Variants in MACROD2 observed in about 807,000 individuals in gnomAD.
MACROD2 encodes ADP-ribose glycohydrolase MACROD2.
Under a neutral mutation model 70.4 loss-of-function variants are expected in MACROD2, and 36 were observed. The ratio of observed to expected loss-of-function variants is 0.51; its 90% CI spans 0.39 to 0.68. MACROD2 has a LOEUF of 0.68. Among genes scored for constraint, MACROD2 ranks in the 30% least tolerant of loss-of-function variants. MACROD2 has a pLI of 0.00. For missense variants in MACROD2, 496 were observed against 538.4 expected, an observed-to-expected ratio of 0.92 and a Z score of 0.78; for synonymous variants, 172 against 178.8, an observed-to-expected ratio of 0.96 and a Z score of 0.30.
rs140996870 is a variant in MACROD2 at position 15,070,712 on chromosome 20, C to T, written c.419-159228C>T. Among the ~76,000 whole-genome samples, 551 of 152,232 alleles carry T rather than the reference C, an allele frequency of 3.6e-3. 13 individuals carry two copies. The highest frequency in any genetic ancestry group is 0.027 in the Admixed American group (417 of 15,284). On this transcript the variant is annotated intron_variant, in intron 5 of 17. Transcript: ENST00000684519. The stretch of plus-strand genomic sequence containing the variant: ...TGATTACAAGCTTCCTGCAGCCTCA[C>T]CAGAAGCTGAATGGATCGTGGTACC...
intron 15 of MACROD2, among the ~76,000 whole-genome samples, chr20:16,003,814 G>T (rs1351485308): frequency 6.6e-6 from 1 of 152,138 alleles, no homozygotes; most frequent in African/African-American, 2.4e-5. Flanking sequence ...GGGATTACAG[G>T]CAAGCACCAC....
chr20:14,547,873 A>T (rs1461600843), intron 4 of MACROD2, among the ~76,000 whole-genome samples: 2 of 152,056 alleles, frequency 1.3e-5, no homozygotes, highest in South Asian at 2.1e-4. Flanking sequence ...TCTCCTCTGT[A>T]TGGCTCTAAT....
intron 12 of MACROD2, among the ~76,000 whole-genome samples, chr20:15,965,675 T>G (rs931349290): frequency 6.6e-6 from 1 of 152,208 alleles, no homozygotes; most frequent in African/African-American, 2.4e-5. Flanking sequence ...TTTTAAATCA[T>G]TGTATATTTT....
At position 14,862,546 on chromosome 20, in the gene MACROD2, AAT is replaced by A. The variant is rs1436702396; in HGVS notation, c.418+177597_418+177598del. 3.9e-4 allele frequency among the ~76,000 whole-genome samples: 6 copies of A among 15,386 alleles called. 1 individual carries two copies. Among genetic ancestry groups the A allele is most frequent in the Non-Finnish European group, 6.8e-4 (5 of 7,402 alleles). The allele number at this position is 15,386 out of a possible 152,430, so 10.1% of individuals were successfully genotyped here. On this transcript the variant is annotated intron_variant, in intron 5 of 17. Coordinates refer to ENST00000684519, the MANE Select transcript of MACROD2 (RefSeq NM_001351661.2). ...ATATAAATATATATAAATATATAAA[AAT>A]ATATATATAAATATAAATATATATA... is the stretch of plus-strand genomic sequence containing the variant.
At chr20:14,720,401 A>T (rs185052146) in intron 5 of MACROD2, among the ~76,000 whole-genome samples, 1 of 152,274 alleles carries the variant, frequency 6.6e-6, no homozygotes, top group African/African-American at 2.4e-5. Context: ...CAGGGTGCTG[A>T]ACATTCATCC....
At chr20:15,738,793 A>G (rs777551140) in intron 8 of MACROD2, among the ~76,000 whole-genome samples, 8 of 152,138 alleles carry the variant, frequency 5.3e-5, no homozygotes, top group Non-Finnish European at 1.0e-4. Flanking sequence ...CTTGGGGTCA[A>G]GCAGAGTAGG....
At chr20:15,627,927 T>C (rs1449628792) in intron 8 of MACROD2, among the ~76,000 whole-genome samples, 2 of 152,200 alleles carry the variant, frequency 1.3e-5, no homozygotes, top group African/African-American at 4.8e-5. Flanking sequence ...AAATCAGACT[T>C]GCACTGCCGT....
At chr20:14,819,028 G>A (rs2072808065) in intron 5 of MACROD2, among the ~76,000 whole-genome samples, 2 of 151,652 alleles carry the variant, frequency 1.3e-5, no homozygotes, top group Non-Finnish European at 2.9e-5. Flanking sequence ...ACTTTGGGAG[G>A]CCGAGGTGGG....
At chr20:15,069,703 G>A (rs915932129) in intron 5 of MACROD2, among the ~76,000 whole-genome samples, 5 of 152,234 alleles carry the variant, frequency 3.3e-5, no homozygotes, top group Non-Finnish European at 5.9e-5. Context: ...CATGTGTTGC[G>A]AAGTCTGCAA....
chr20:14,807,377 C>A lies in MACROD2; in HGVS notation c.418+122418C>A, dbSNP rs193152453. Among the ~76,000 whole-genome samples, 8 of 152,194 alleles carry A rather than the reference C, an allele frequency of 5.3e-5. No individual in the cohort carries two copies. The East Asian group carries it at 1.5e-3, about 29-fold the overall frequency. On this transcript the variant is annotated intron_variant, in intron 5 of 17. Transcript: ENST00000684519. The stretch of plus-strand genomic sequence containing the variant: ...TGACTGTTAGAAGGAAACTAACAAA[C>A]AGAAAGCAATATCATCAACATCAAC...
chr20:15,876,971 A>C (rs1373985751), intron 9 of MACROD2, among the ~76,000 whole-genome samples: 4 of 152,070 alleles, frequency 2.6e-5, no homozygotes, highest in Non-Finnish European at 5.9e-5. Flanking sequence ...CAATAACGTG[A>C]CTGTCTCTGC....
intron 6 of MACROD2, among the ~76,000 whole-genome samples, chr20:15,249,978 C>T (rs1161209536): frequency 2.6e-5 from 4 of 152,210 alleles, no homozygotes; most frequent in African/African-American, 4.8e-5. Context: ...ACCCTTACTA[C>T]GTTGTTTAGA....
Position 14,780,562 on chromosome 20 carries a change from CAA to C in MACROD2, c.418+95619_418+95620del, listed in dbSNP as rs763622429. Among the ~76,000 whole-genome samples the C allele has an allele frequency of 6.4e-4, 80 of 124,290 alleles. 2 individuals carry two copies. In the South Asian group the frequency reaches 0.02, roughly 31 times the overall value. 81.5% of individuals were successfully genotyped at this position (124,290 alleles called of 152,430 possible). A position where few individuals can be genotyped will look rare whatever the true frequency, so the allele number is the denominator to read the frequency against. On this transcript the variant is annotated intron_variant, in intron 5 of 17. Coordinates refer to ENST00000684519, the MANE Select transcript of MACROD2 (RefSeq NM_001351661.2). ...GGGCAACAAGAGTGAAACTCCGTCT[CAA>C]AAAAAAAAAAAAAAAGTGAAAACTC...
At chr20:15,564,582 T>C (rs1420436) in intron 8 of MACROD2, among the ~76,000 whole-genome samples, 21,478 of 152,142 alleles carry the variant, frequency 0.14, 4,169 homozygotes, top group African/African-American at 0.44. Context: ...ATGTGGGAAA[T>C]AGAACAAGAC....
chr20:14,385,756 A>G (rs1416929034), intron 3 of MACROD2, among the ~76,000 whole-genome samples: 1 of 152,198 alleles, frequency 6.6e-6, no homozygotes, highest in Non-Finnish European at 1.5e-5. Flanking sequence ...GAAATGCTAA[A>G]TCATGATATG....
rs117567482 is a variant in MACROD2, at chr20:15,203,297, C to T, written c.419-26643C>T. Among the ~76,000 whole-genome samples the T allele has an allele frequency of 4.7e-3, 709 of 152,100 alleles. 4 individuals carry two copies. Among genetic ancestry groups the T allele is most frequent in the Non-Finnish European group, 7.5e-3 (509 of 67,944 alleles). Reference sequence around the variant, plus strand: ...CCAGAATTGTTCATGTACAATTTGGCTTTGTTTGGGGATTGAATCAATGGT... The same window carrying T: ...CCAGAATTGTTCATGTACAATTTGGTTTTGTTTGGGGATTGAATCAATGGT... On this transcript the variant is annotated intron_variant, in intron 5 of 17. Coordinates refer to ENST00000684519, the MANE Select transcript of MACROD2 (RefSeq NM_001351661.2).
chr20:15,573,763 ACACCCTTATTCCTCT>A (rs2048407474), intron 8 of MACROD2, among the ~76,000 whole-genome samples: 1 of 151,786 alleles, frequency 6.6e-6, no homozygotes, highest in Non-Finnish European at 1.5e-5. Flanking sequence ...TCCCCACCAC[ACACCCTTATTCCTCT>A]CCTGCGCTTA....
intron 5 of MACROD2, among the ~76,000 whole-genome samples, chr20:14,938,963 A>G (rs1200885173): frequency 5.1e-5 from 2 of 38,940 alleles, no homozygotes; most frequent in South Asian, 6.1e-4. Context: ...TTTTTTTTTT[A>G]CTATTGAGTT....
chr20:14,415,019 C>T (rs1183970650), intron 3 of MACROD2, among the ~76,000 whole-genome samples: 3 of 151,432 alleles, frequency 2.0e-5, no homozygotes, highest in Admixed American at 6.6e-5. Context: ...TTACCTGTCT[C>T]TTTCTACTAG....
Sources: allele counts gnomAD v4.1 joint callset (sites outside exome capture counted in the v4.1 genomes callset), GRCh38; gene constraint gnomAD v4.1.1; transcripts MANE v1.5; gene names NCBI Gene and HGNC (gene_info 2026-07-23, HGNC 2026-07-21).